Variants in TEAD4 observed in about 807,000 individuals in gnomAD.
TEAD4 encodes transcriptional enhancer factor TEF-3.
TEAD4 carries 36 observed loss-of-function variants against 52.4 expected under a neutral mutation model. The ratio of observed to expected loss-of-function variants is 0.69; its 90% CI spans 0.53 to 0.91. The LOEUF is 0.91. TEAD4 is among the 40% of genes least tolerant of loss of function. The pLI is 0.00. For missense variants in TEAD4, 508 were observed against 583.9 expected, an observed-to-expected ratio of 0.87 and a Z score of 1.34; for synonymous variants, 220 against 231.0, an observed-to-expected ratio of 0.95 and a Z score of 0.43.
At chr12:3,031,126 G>A (rs1286819951) in intron 10 of TEAD4, among the ~76,000 whole-genome samples, 1 of 152,216 alleles carries the variant, frequency 6.6e-6, no homozygotes, top group East Asian at 1.9e-4. Context: ...GTCCAGCCCC[G>A]GTTGTGGGAA....
Position 3,021,963 on chromosome 12 carries a change from C to T in TEAD4, c.843C>T (p.Leu281=). The T allele has an allele frequency of 6.2e-7, 1 of 1,614,272 alleles. No individual in the cohort carries two copies. The stretch of plus-strand genomic sequence containing the variant: ...AATTCCCGGAGAAAAAGGGTGGACT[C>T]AAGGATCTCTTCGAACGGGGACCCT... The change falls in exon 10 of 13, where the codon CTC becomes CTT. Residue 281 remains leucine, a synonymous_variant. Transcript: ENST00000359864.
intron 3 of TEAD4, among the ~76,000 whole-genome samples, chr12:3,003,189 C>T (rs1486379849): frequency 6.6e-6 from 1 of 152,212 alleles, no homozygotes; most frequent in Non-Finnish European, 1.5e-5. Flanking sequence ...AAGATGTCCA[C>T]GCACACTTCC....
intron 10 of TEAD4, among the ~76,000 whole-genome samples, chr12:3,035,294 C>T (rs2073949386): frequency 6.6e-6 from 1 of 152,180 alleles, no homozygotes; most frequent in South Asian, 2.1e-4. Context: ...CGGTTAAAAT[C>T]TGAGGGTCAC....
At chr12:3,001,427 A>G (rs2153955886) in intron 3 of TEAD4, among the ~76,000 whole-genome samples, 1 of 152,292 alleles carries the variant, frequency 6.6e-6, no homozygotes, top group East Asian at 1.9e-4. Flanking sequence ...AGCCGCTGGT[A>G]GCCTGTTCTA....
intron 3 of TEAD4, among the ~76,000 whole-genome samples, chr12:2,995,835 C>G (rs2153955473): frequency 6.6e-6 from 1 of 152,008 alleles, no homozygotes; most frequent in African/African-American, 2.4e-5. Context: ...AGCGAGACAC[C>G]ATCTGGAGTA....
At chr12:2,984,122 G>A (rs1038660592) in intron 2 of TEAD4, among the ~76,000 whole-genome samples, 1 of 152,192 alleles carries the variant, frequency 6.6e-6, no homozygotes, top group Non-Finnish European at 1.5e-5. Context: ...GGATGGCTGA[G>A]TTTGGGGCTT....
chr12:3,029,277 A>G (rs1591597684), intron 10 of TEAD4, among the ~76,000 whole-genome samples: 1 of 125,042 alleles, frequency 8.0e-6, no homozygotes, highest in African/African-American at 2.9e-5. Context: ...TCACTCTGTC[A>G]CCCAGGCCGG....
chr12:3,011,287 A>G (rs542264527), intron 4 of TEAD4, among the ~76,000 whole-genome samples: 10 of 151,646 alleles, frequency 6.6e-5, no homozygotes, highest in Admixed American at 6.6e-4. Flanking sequence ...CTGGAGTACA[A>G]TGACGTGATC....
chr12:3,026,091 A>G (rs552942771), intron 10 of TEAD4, among the ~76,000 whole-genome samples: 1 of 152,292 alleles, frequency 6.6e-6, no homozygotes, highest in East Asian at 1.9e-4. Flanking sequence ...TTTCAGTTTT[A>G]GGAAATGTAC....
At chr12:3,015,765 C>T (rs1046344027) in intron 5 of TEAD4, among the ~76,000 whole-genome samples, 2 of 152,040 alleles carry the variant, frequency 1.3e-5, no homozygotes, top group Admixed American at 6.5e-5. Context: ...AGGCCATCCT[C>T]CTGCCTCAGC....
intron 9 of TEAD4, among the ~76,000 whole-genome samples, 187 bp downstream of exon 9, chr12:3,020,960 C>T (rs1006758898): frequency 6.6e-6 from 1 of 152,154 alleles, no homozygotes; most frequent in Non-Finnish European, 1.5e-5. Context: ...CCCTCTTTCC[C>T]TCCTCCCTGG....
intron 10 of TEAD4, among the ~76,000 whole-genome samples, chr12:3,027,132 C>T (rs1404638910): frequency 1.3e-5 from 2 of 152,090 alleles, no homozygotes; most frequent in Non-Finnish European, 2.9e-5. Flanking sequence ...GCTGGGATTA[C>T]AGGTGCCCGC....
At chr12:3,006,244 G>A (rs1298962652) in intron 3 of TEAD4, among the ~76,000 whole-genome samples, 3 of 152,140 alleles carry the variant, frequency 2.0e-5, no homozygotes, top group Admixed American at 2.0e-4. Flanking sequence ...ATGCTCGTTG[G>A]ACCGTTTTGG....
intron 3 of TEAD4, among the ~76,000 whole-genome samples, chr12:3,002,218 G>A (rs550182486): frequency 2.0e-5 from 3 of 152,316 alleles, no homozygotes; most frequent in Admixed American, 1.3e-4. Context: ...TTAAGGCTGG[G>A]TAATATTCCA....
Position 2,995,091 on chromosome 12 carries a change from A to T in TEAD4, c.226+99A>T, listed in dbSNP as rs537321199. On this transcript the variant is annotated intron_variant, in intron 3 of 12. Transcript: ENST00000359864. ...TGCCGGGCCACAGAAGGGGATGACC[A>T]CTTGGGGCTTTGTCGGGTGGACACT... is the stretch of plus-strand genomic sequence containing the variant. The T allele has an allele frequency of 1.5e-5, 21 of 1,446,308 alleles. No homozygotes were observed. In the African/African-American group the frequency reaches 2.3e-4, roughly 16 times the overall value. The allele number at this position is 1,446,308 out of a possible 1,614,324, so 89.6% of individuals were successfully genotyped here.
At chr12:2,969,606 C>T (rs1452296701) in intron 2 of TEAD4, among the ~76,000 whole-genome samples, 2 of 152,182 alleles carry the variant, frequency 1.3e-5, no homozygotes, top group African/African-American at 2.4e-5. Flanking sequence ...GGGGATTCCA[C>T]TAGATGAAAC....
At chr12:3,001,952 C>T (rs1216740022) in intron 3 of TEAD4, among the ~76,000 whole-genome samples, 1 of 151,734 alleles carries the variant, frequency 6.6e-6, no homozygotes, top group East Asian at 1.9e-4. Context: ...ACAAAATTAG[C>T]TGGGTGTGGT....
intron 3 of TEAD4, among the ~76,000 whole-genome samples, chr12:2,996,905 G>A (rs544410187): frequency 6.6e-6 from 1 of 152,318 alleles, no homozygotes; most frequent in East Asian, 1.9e-4. Flanking sequence ...GAGCCACCAT[G>A]CCCGGCCTTG....
rs919776344 is a variant in TEAD4 at position 2,964,751 on chromosome 12, C to T, written c.-30+4711C>T. Among the ~76,000 whole-genome samples, 7 of 151,922 alleles carry T rather than the reference C, an allele frequency of 4.6e-5. No individual in the cohort carries two copies. The East Asian group carries it at 1.4e-3, about 29-fold the overall frequency. On this transcript the variant is annotated intron_variant, in intron 2 of 12. Coordinates refer to ENST00000359864, the MANE Select transcript of TEAD4 (RefSeq NM_003213.4). Reference sequence around the variant, plus strand: ...CCTCCCAGAGTGCTGGGATTACAGGCGTGAACCACCGTGCGCCTGGCCATG... The same window carrying T: ...CCTCCCAGAGTGCTGGGATTACAGGTGTGAACCACCGTGCGCCTGGCCATG...
Sources: gnomAD v4.1 joint callset for allele counts (sites outside exome capture counted in the v4.1 genomes callset) on GRCh38, gnomAD v4.1.1 for gene constraint, MANE v1.5 for transcripts, NCBI Gene and HGNC (gene_info 2026-07-23, HGNC 2026-07-21) for gene names.